Variants in ACSL4 observed in about 807,000 individuals in gnomAD.
ACSL4 encodes long-chain-fatty-acid--CoA ligase 4.
A neutral mutation model predicts 49.1 loss-of-function variants in ACSL4; 9 were observed. The ratio of observed to expected loss-of-function variants is 0.18; its 90% CI spans 0.11 to 0.32. The LOEUF (loss-of-function observed/expected upper bound fraction) is 0.32, where lower values mean the gene tolerates loss of function less well. Among genes scored for constraint, ACSL4 ranks in the 10% least tolerant of loss-of-function variants. The pLI is 1.00. For missense variants in ACSL4, 333 were observed against 493.7 expected (o/e 0.67, Z 3.08); for synonymous variants, 191 against 170.3 (o/e 1.12, Z -0.95).
At chrX:109,683,110 A>G in intron 3 of ACSL4, 26 bp downstream of exon 3, 1 of 1,187,756 alleles carries the variant, frequency 8.4e-7, no homozygotes. Flanking sequence ...TTTAAAACAT[A>G]AATGAAAAGC....
chrX:109,731,841 C>A (rs905960788), intron 1 of ACSL4, among the ~76,000 whole-genome samples: 2 of 112,094 alleles, frequency 1.8e-5, no homozygotes, highest in African/African-American at 3.2e-5. Context: ...AAGGAAGAGG[C>A]CTTACACTGT....
Position 109,674,392 on chromosome X carries a change from C to A in ACSL4, c.1002+10G>T, listed in dbSNP as rs759715066. ...ATCCTCTTATGTTCATATTCATATTCTGTACTCACCGGAACAGCAGCCATA... is the reference window on the plus strand; with the variant it reads ...ATCCTCTTATGTTCATATTCATATTATGTACTCACCGGAACAGCAGCCATA... On this transcript the variant is annotated intron_variant, in intron 9 of 15. Coordinates refer to ENST00000672401, the MANE Select transcript of ACSL4 (RefSeq NM_001318510.2). The A allele has an allele frequency of 2.6e-6, 3 of 1,175,900 alleles. No homozygotes were observed. Among genetic ancestry groups the A allele is most frequent in the African/African-American group, 3.5e-5 (2 of 56,619 alleles).
chrX:109,700,930 C>A (rs1358542636), intron 1 of ACSL4, among the ~76,000 whole-genome samples: 1 of 109,075 alleles, frequency 9.2e-6, no homozygotes, highest in Non-Finnish European at 1.9e-5. Flanking sequence ...GCAGTCCCAG[C>A]TACTCAGGAG....
intron 1 of ACSL4, among the ~76,000 whole-genome samples, chrX:109,724,171 A>G (rs1374272842): frequency 8.9e-6 from 1 of 112,347 alleles, no homozygotes; most frequent in Admixed American, 9.5e-5. Flanking sequence ...AAAAATATGT[A>G]TGGCAAACAT....
chrX:109,671,038 G>C (rs1013021259), intron 9 of ACSL4, among the ~76,000 whole-genome samples: 2 of 112,184 alleles, frequency 1.8e-5, no homozygotes, highest in Non-Finnish European at 3.8e-5. Flanking sequence ...GCCTCTGCTC[G>C]GCCGCCACCC....
At chrX:109,713,545 A>G (rs1926907016) in intron 1 of ACSL4, among the ~76,000 whole-genome samples, 1 of 111,304 alleles carries the variant, frequency 9.0e-6, no homozygotes, top group South Asian at 3.8e-4. Flanking sequence ...TGAACCACAT[A>G]AAATTGCCAA....
intron 1 of ACSL4, among the ~76,000 whole-genome samples, chrX:109,700,951 G>C (rs1378182190): frequency 3.6e-5 from 4 of 109,728 alleles, no homozygotes; most frequent in Non-Finnish European, 7.6e-5. Flanking sequence ...GCTGAGGCAG[G>C]AGAATCACTT....
intron 15 of ACSL4, among the ~76,000 whole-genome samples, chrX:109,648,141 A>G (rs752372448): frequency 8.9e-6 from 1 of 112,210 alleles, no homozygotes; most frequent in East Asian, 2.8e-4. Context: ...TCCAATCAAT[A>G]GAAAATGAGG....
chrX:109,656,371 T>G (rs1394339443), intron 15 of ACSL4, among the ~76,000 whole-genome samples: 1 of 111,236 alleles, frequency 9.0e-6, no homozygotes, highest in Non-Finnish European at 1.9e-5. Context: ...ACTATGTAGT[T>G]CAGCTGTGAA....
chrX:109,673,306 A>G (rs762106385), intron 9 of ACSL4, among the ~76,000 whole-genome samples: 1 of 111,718 alleles, frequency 9.0e-6, no homozygotes, highest in Non-Finnish European at 1.9e-5. Flanking sequence ...TCCATCACCT[A>G]TGAGCTGTGT....
At chrX:109,700,215 A>T (rs1490276498) in intron 1 of ACSL4, among the ~76,000 whole-genome samples, 3 of 104,656 alleles carry the variant, frequency 2.9e-5, no homozygotes, top group African/African-American at 1.0e-4. Context: ...CTCAAAAAAA[A>T]AAAAAAAAAA....
At chrX:109,646,380 G>T (rs1354312951) in intron 15 of ACSL4, among the ~76,000 whole-genome samples, 1 of 111,435 alleles carries the variant, frequency 9.0e-6, no homozygotes, top group African/African-American at 3.3e-5. Flanking sequence ...CATTCTTAAA[G>T]AAAAGAATTT....
At chrX:109,721,593 G>A (rs960570080) in intron 1 of ACSL4, among the ~76,000 whole-genome samples, 1 of 110,065 alleles carries the variant, frequency 9.1e-6, no homozygotes, top group East Asian at 2.8e-4. Flanking sequence ...TTAGCCAGGC[G>A]TGGTAGTGCA....
intron 1 of ACSL4, among the ~76,000 whole-genome samples, chrX:109,726,851 T>A (rs1023429167): frequency 9.2e-6 from 1 of 108,817 alleles, no homozygotes; most frequent in African/African-American, 3.3e-5. Context: ...GCTTTTTTTG[T>A]TGTTTTTTGT....
chrX:109,671,778 C>T (rs933898048), intron 9 of ACSL4, among the ~76,000 whole-genome samples: 5 of 111,378 alleles, frequency 4.5e-5, no homozygotes, highest in Admixed American at 1.9e-4. Flanking sequence ...AACCTTACCC[C>T]CAACCCCATG....
At chrX:109,672,083 A>G (rs1923311311) in intron 9 of ACSL4, among the ~76,000 whole-genome samples, 1 of 105,020 alleles carries the variant, frequency 9.5e-6, no homozygotes, top group Non-Finnish European at 2.0e-5. Context: ...AAATACTAAA[A>G]AAAAAAAAAA....
chrX:109,722,535 G>T (rs1376959107), intron 1 of ACSL4, among the ~76,000 whole-genome samples: 2 of 111,476 alleles, frequency 1.8e-5, no homozygotes, highest in Non-Finnish European at 3.8e-5. Context: ...CCCAAAAAAA[G>T]CTTCCTAATG....
chrX:109,725,547 G>T (rs1181575186), intron 1 of ACSL4, among the ~76,000 whole-genome samples: 1 of 110,728 alleles, frequency 9.0e-6, no homozygotes, highest in Non-Finnish European at 1.9e-5. Flanking sequence ...CGGATCACGA[G>T]GTCAGGAGAT....
intron 1 of ACSL4, among the ~76,000 whole-genome samples, chrX:109,722,020 A>G (rs1387496465): frequency 2.7e-5 from 3 of 111,726 alleles, no homozygotes; most frequent in Non-Finnish European, 3.8e-5. Flanking sequence ...CACTGTTTCA[A>G]TCATCATAAT....
Sources: gnomAD v4.1 joint callset for allele counts (sites outside exome capture counted in the v4.1 genomes callset) on GRCh38, gnomAD v4.1.1 for gene constraint, MANE v1.5 for transcripts, NCBI Gene and HGNC (gene_info 2026-07-23, HGNC 2026-07-21) for gene names.